TRPC4: variants seen among roughly 807,000 people sequenced by gnomAD.
TRPC4 encodes the protein short transient receptor potential channel 4.
In TRPC4, 49 loss-of-function variants were observed where a neutral mutation model predicts 99.4. The observed-to-expected ratio is 0.49, with a 90% CI of 0.39 to 0.63. TRPC4 has a LOEUF of 0.63. Among genes scored for constraint, TRPC4 ranks in the 20% least tolerant of loss-of-function variants. The pLI is 0.00. For synonymous variants in TRPC4, 454 were observed against 425.9 expected, an observed-to-expected ratio of 1.07 and a Z score of -0.81; for missense variants, 898 against 1,152.9, an observed-to-expected ratio of 0.78 and a Z score of 3.20.
At chr13:37,848,058 T>G (rs1593312252) in intron 1 of TRPC4, among the ~76,000 whole-genome samples, 1 of 152,142 alleles carries the variant, frequency 6.6e-6, no homozygotes, top group Admixed American at 6.6e-5. Flanking sequence ...TTTTTCAACT[T>G]TACATGAGTT....
At chr13:37,667,099 C>T (rs1005063625) in intron 5 of TRPC4, among the ~76,000 whole-genome samples, 1 of 152,194 alleles carries the variant, frequency 6.6e-6, no homozygotes, top group African/African-American at 2.4e-5. Context: ...CAACAGGTCA[C>T]CAAGTCAGAA....
At chr13:37,677,969 A>T (rs1953115259) in intron 4 of TRPC4, among the ~76,000 whole-genome samples, 1 of 152,164 alleles carries the variant, frequency 6.6e-6, no homozygotes, top group South Asian at 2.1e-4. Context: ...TCAATAATTA[A>T]ATGTACCTAG....
At chr13:37,807,366 T>C (rs1957552377) in intron 1 of TRPC4, among the ~76,000 whole-genome samples, 1 of 152,020 alleles carries the variant, frequency 6.6e-6, no homozygotes, top group Non-Finnish European at 1.5e-5. Flanking sequence ...AATATGGATA[T>C]TTACAAGTGT....
At chr13:37,756,794 C>T (rs1227618584) in intron 2 of TRPC4, among the ~76,000 whole-genome samples, 1 of 151,972 alleles carries the variant, frequency 6.6e-6, no homozygotes, top group Non-Finnish European at 1.5e-5. Flanking sequence ...CTCAGCCTCC[C>T]AAAGTGCTGG....
chr13:37,816,008 T>G (rs1452108517), intron 1 of TRPC4, among the ~76,000 whole-genome samples: 1 of 151,926 alleles, frequency 6.6e-6, no homozygotes, highest in Non-Finnish European at 1.5e-5. Context: ...GAATGACTTT[T>G]GGATAAACAG....
At chr13:37,869,362 C>T (rs1205064163) in intron 1 of TRPC4, among the ~76,000 whole-genome samples, 3 of 152,142 alleles carry the variant, frequency 2.0e-5, no homozygotes, top group Admixed American at 6.5e-5. Context: ...GAGGAGCACC[C>T]CCAAACTCCT....
intron 1 of TRPC4, among the ~76,000 whole-genome samples, chr13:37,854,463 G>A (rs1307082004): frequency 6.6e-6 from 1 of 151,980 alleles, no homozygotes; most frequent in Non-Finnish European, 1.5e-5. Context: ...TGGTGTTGAT[G>A]ATCAAGAAAA....
chr13:37,821,564 A>G (rs1184241683), intron 1 of TRPC4, among the ~76,000 whole-genome samples: 1 of 152,172 alleles, frequency 6.6e-6, no homozygotes, highest in African/African-American at 2.4e-5. Flanking sequence ...TTCAAACTAT[A>G]CTACAAGGCT....
At chr13:37,716,302 G>A (rs189216774) in intron 3 of TRPC4, among the ~76,000 whole-genome samples, 105 of 152,184 alleles carry the variant, frequency 6.9e-4, no homozygotes, top group Admixed American at 2.2e-3. Flanking sequence ...GTAAGGAGAC[G>A]AATAAATTCA....
chr13:37,818,443 A>G (rs1372908680), intron 1 of TRPC4, among the ~76,000 whole-genome samples: 1 of 152,162 alleles, frequency 6.6e-6, no homozygotes, highest in Non-Finnish European at 1.5e-5. Flanking sequence ...CCGCAATCCC[A>G]TTACTGGGTA....
intron 4 of TRPC4, among the ~76,000 whole-genome samples, chr13:37,681,376 T>C (rs7991324): frequency 0.64 from 97,141 of 152,024 alleles, 31,545 homozygotes; most frequent in East Asian, 0.8. Flanking sequence ...GAAACTCATG[T>C]CATCATTTTG....
chr13:37,853,994 A>G (rs1959120605), intron 1 of TRPC4, among the ~76,000 whole-genome samples: 1 of 152,284 alleles, frequency 6.6e-6, no homozygotes, highest in Non-Finnish European at 1.5e-5. Context: ...AGAGAAAGAG[A>G]TAGGGATAGA....
chr13:37,783,472 G>A, intron 1 of TRPC4, 112 bp from the exon 2 acceptor site: 2 of 752,216 alleles, frequency 2.7e-6, no homozygotes, highest in Non-Finnish European at 3.8e-6. Context: ...ACCATTATTA[G>A]TAACTATTAA....
chr13:37,773,334 A>G (rs952046703), intron 2 of TRPC4, among the ~76,000 whole-genome samples: 2 of 151,978 alleles, frequency 1.3e-5, no homozygotes, highest in Admixed American at 6.6e-5. Flanking sequence ...CAATTTTTTT[A>G]TCCATAACAG....
intron 1 of TRPC4, among the ~76,000 whole-genome samples, chr13:37,812,344 G>GA (rs139079433): frequency 7.3e-5 from 11 of 150,970 alleles, no homozygotes; most frequent in Non-Finnish European, 1.2e-4. Flanking sequence ...ATATAAGTAT[G>GA]AAAAAAAATA....
At chr13:37,661,203 T>C (rs551423250) in intron 6 of TRPC4, among the ~76,000 whole-genome samples, 1 of 152,334 alleles carries the variant, frequency 6.6e-6, no homozygotes, top group South Asian at 2.1e-4. Context: ...ATAATCCCAA[T>C]AATCCAGTAT....
chr13:37,733,258 G>A, intron 3 of TRPC4, among the ~76,000 whole-genome samples: 1 of 152,130 alleles, frequency 6.6e-6, no homozygotes, highest in Admixed American at 6.6e-5. Context: ...GCATGACAGA[G>A]TGAGACCCAG....
At chr13:37,839,790 A>C (rs1282069938) in intron 1 of TRPC4, among the ~76,000 whole-genome samples, 1 of 152,104 alleles carries the variant, frequency 6.6e-6, no homozygotes, top group East Asian at 1.9e-4. Context: ...TCCCCTAGAA[A>C]AATTGGGGTG....
rs181515130 is a variant in TRPC4, at chr13:37,814,193, C to T, written c.-27-30833G>A. On this transcript the variant is annotated intron_variant, in intron 1 of 10. Transcript: ENST00000379705. ...GGGATTTCCTCAATCTTGTAAAGGA[C>T]ATCTAGGAAAACACACAGCTAAAAT... Among the ~76,000 whole-genome samples the T allele has an allele frequency of 7.9e-5, 12 of 151,818 alleles. No homozygotes were observed. In the East Asian group the frequency reaches 2.1e-3, roughly 27 times the overall value.
Sources: gnomAD v4.1 joint callset for allele counts (sites outside exome capture counted in the v4.1 genomes callset) on GRCh38, gnomAD v4.1.1 for gene constraint, MANE v1.5 for transcripts, NCBI Gene and HGNC (gene_info 2026-07-23, HGNC 2026-07-21) for gene names.